ADCY9: variants seen among roughly 807,000 people sequenced by gnomAD.
The protein encoded by ADCY9 is adenylate cyclase 9, also known as adenylate cyclase type 9.
A neutral mutation model predicts 101.5 loss-of-function variants in ADCY9; 50 were observed. The ratio of observed to expected loss-of-function variants is 0.49; its 90% CI spans 0.39 to 0.62. The LOEUF is 0.62. Among genes scored for constraint, ADCY9 ranks in the 20% least tolerant of loss-of-function variants. The probability of loss-of-function intolerance (pLI) is 0.00; values close to 1 mark genes in which losing one functional copy is unlikely to be tolerated. For synonymous variants in ADCY9, 905 were observed against 769.3 expected (o/e 1.18, Z -2.92); for missense variants, 1,662 against 1,800.4 (o/e 0.92, Z 1.39).
At chr16:3,974,160 G>C (rs2056075046) in intron 10 of ADCY9, among the ~76,000 whole-genome samples, 1 of 152,144 alleles carries the variant, frequency 6.6e-6, no homozygotes, top group African/African-American at 2.4e-5. Flanking sequence ...TCCCGCCTCA[G>C]CCTCCTGAGT....
chr16:4,075,214 C>A (rs1321241129), intron 2 of ADCY9, among the ~76,000 whole-genome samples: 1 of 152,210 alleles, frequency 6.6e-6, no homozygotes, highest in Non-Finnish European at 1.5e-5. Context: ...TCTTGGCTCA[C>A]TGCAACCTCC....
At position 3,965,896 on chromosome 16, in the gene ADCY9, TC is replaced by T. The variant is rs766303375; in HGVS notation, c.3940del (p.Glu1314SerfsTer15). 1 of 1,614,212 alleles carries T rather than the reference TC, an allele frequency of 6.2e-7. No individual in the cohort carries two copies. The highest frequency in any genetic ancestry group is 1.3e-5 in the African/African-American group (1 of 75,056). ...AHLSPKRPWK[E>X]PVKAEERGRF... is the part of the protein sequence containing the mutation. ...ACCCCTTTCTTCGGCTTTGACGGGC[TC>T]CTTCCACGGTCTCTTGGGGGACAGG... On this transcript the variant is annotated frameshift_variant, in exon 11 of 11. Transcript: ENST00000294016. LOFTEE classifies it high-confidence loss of function.
intron 2 of ADCY9, among the ~76,000 whole-genome samples, chr16:4,097,562 T>A (rs1217205364): frequency 2.1e-4 from 22 of 106,264 alleles, no homozygotes; most frequent in South Asian, 5.7e-4. Flanking sequence ...TATTTTTTTT[T>A]TTTTTTTTTA....
At chr16:4,000,967 C>CCACACACACACACA (rs2056325362) in intron 3 of ADCY9, among the ~76,000 whole-genome samples, 1 of 27,952 alleles carries the variant, frequency 3.6e-5, no homozygotes, top group Non-Finnish European at 8.6e-5. Flanking sequence ...ATCCCTCTCT[C>CCACACACACACACA]TACACACACA....
intron 10 of ADCY9, among the ~76,000 whole-genome samples, chr16:3,973,261 T>C (rs2056067693): frequency 1.3e-5 from 2 of 152,212 alleles, no homozygotes; most frequent in South Asian, 4.1e-4. Context: ...CAGGCTGGAG[T>C]GCAGTGGCCG....
At chr16:4,008,843 C>T (rs1238691534) in intron 2 of ADCY9, among the ~76,000 whole-genome samples, 1 of 152,098 alleles carries the variant, frequency 6.6e-6, no homozygotes, top group African/African-American at 2.4e-5. Context: ...GCCACTGCAC[C>T]CGGTCGCAGG....
At chr16:3,985,268 T>C (rs1266961704) in intron 6 of ADCY9, among the ~76,000 whole-genome samples, 1 of 150,870 alleles carries the variant, frequency 6.6e-6, no homozygotes, top group African/African-American at 2.4e-5. Context: ...GCCTCTGGAG[T>C]AGCTGGGAGG....
At chr16:4,023,866 C>A (rs747174731) in intron 2 of ADCY9, among the ~76,000 whole-genome samples, 1 of 151,532 alleles carries the variant, frequency 6.6e-6, no homozygotes. Flanking sequence ...GCCGAGATTA[C>A]GCCACTGCAC....
rs761177194 is a variant in ADCY9, at chr16:3,992,131, C to T, written c.2207+15G>A. On this transcript the variant is annotated intron_variant, in intron 5 of 10. Coordinates refer to ENST00000294016, the MANE Select transcript of ADCY9 (RefSeq NM_001116.4). This position sits in a 1 kb window ranked among gnomAD's most constrained non-coding sequence, Gnocchi z 4.2. ...CCTGCAACCTTTGCTTTTTCCCAGA[C>T]AGCCCCAGTCGTACCTGTCTTCTTT... The T allele has an allele frequency of 6.2e-7, 1 of 1,612,326 alleles. No individual in the cohort carries two copies. The highest frequency in any genetic ancestry group is 1.7e-5 in the Admixed American group (1 of 59,858).
intron 2 of ADCY9, among the ~76,000 whole-genome samples, chr16:4,042,817 T>C (rs966819902): frequency 1.3e-5 from 2 of 152,250 alleles, no homozygotes; most frequent in Non-Finnish European, 1.5e-5. Flanking sequence ...AAATGCTTTC[T>C]GGCTGCCACT....
chr16:4,039,829 G>A (rs554442011), intron 2 of ADCY9, among the ~76,000 whole-genome samples: 14 of 152,156 alleles, frequency 9.2e-5, no homozygotes, highest in African/African-American at 2.9e-4. Context: ...GTTTGAGCTC[G>A]GGTGTTCAAG....
At chr16:4,095,281 G>A (rs996479904) in intron 2 of ADCY9, among the ~76,000 whole-genome samples, 6 of 152,152 alleles carry the variant, frequency 3.9e-5, no homozygotes, top group Non-Finnish European at 8.8e-5. Context: ...GATTACAGGC[G>A]TGAGCCACCG....
At chr16:4,081,534 C>G (rs1035229834) in intron 2 of ADCY9, among the ~76,000 whole-genome samples, 105 of 152,360 alleles carry the variant, frequency 6.9e-4, no homozygotes, top group African/African-American at 2.5e-3. Context: ...AGAAATAAAT[C>G]TCTTCCACAT....
intron 2 of ADCY9, among the ~76,000 whole-genome samples, chr16:4,076,799 G>A (rs1361955690): frequency 6.6e-6 from 1 of 152,158 alleles, no homozygotes; most frequent in Admixed American, 6.6e-5. Context: ...CCTCCTGGCT[G>A]GGGGCGGTGG....
At chr16:4,042,336 G>A (rs1297469684) in intron 2 of ADCY9, among the ~76,000 whole-genome samples, 2 of 152,102 alleles carry the variant, frequency 1.3e-5, no homozygotes, top group Non-Finnish European at 2.9e-5. Flanking sequence ...AAAGTGCTGG[G>A]ATTACATGTG....
chr16:4,091,038 A>G (rs1018740747), intron 2 of ADCY9, among the ~76,000 whole-genome samples: 1 of 151,760 alleles, frequency 6.6e-6, no homozygotes, highest in Admixed American at 6.6e-5. Flanking sequence ...AACTTTTTAC[A>G]GGGTCTTCAT....
At chr16:3,976,043 G>A (rs189087270) in intron 9 of ADCY9, among the ~76,000 whole-genome samples, 317 of 152,260 alleles carry the variant, frequency 2.1e-3, no homozygotes, top group Middle Eastern at 0.01. Flanking sequence ...CCAGGCTGGA[G>A]TGCAGTGGCG....
intron 2 of ADCY9, among the ~76,000 whole-genome samples, chr16:4,075,535 TG>T (rs1224614014): frequency 6.6e-6 from 1 of 152,198 alleles, no homozygotes. Flanking sequence ...AAGGGAAAAC[TG>T]GATGTACTGG....
intron 3 of ADCY9, among the ~76,000 whole-genome samples, chr16:3,999,437 C>T (rs1038668267): frequency 1.3e-5 from 2 of 152,172 alleles, no homozygotes; most frequent in African/African-American, 2.4e-5. Context: ...CCCTGGGACC[C>T]GGACCACCGT....
Sources: gnomAD v4.1 joint callset for allele counts (sites outside exome capture counted in the v4.1 genomes callset) on GRCh38, gnomAD v4.1.1 for gene constraint, Gnocchi (gnomAD v3.1) non-coding constraint, MANE v1.5 for transcripts, NCBI Gene and HGNC (gene_info 2026-07-23, HGNC 2026-07-21) for gene names.